Variants in GALNT18 observed in about 807,000 individuals in gnomAD.
GALNT18 encodes polypeptide N-acetylgalactosaminyltransferase 18, also known as GalNAc-transferase 18.
A neutral mutation model predicts 69.5 loss-of-function variants in GALNT18; 44 were observed. That is an observed-to-expected ratio of 0.63 (90% confidence interval 0.50 to 0.81). GALNT18 has a LOEUF of 0.81. GALNT18 is among the 40% of genes least tolerant of loss of function. GALNT18 has a pLI of 0.00. For missense variants in GALNT18, 715 were observed against 810.0 expected (o/e 0.88, Z 1.42); for synonymous variants, 364 against 318.2 (o/e 1.14, Z -1.53).
intron 9 of GALNT18, among the ~76,000 whole-genome samples, chr11:11,303,586 C>T (rs1285893063): frequency 2.0e-5 from 3 of 151,998 alleles, no homozygotes; most frequent in Non-Finnish European, 4.4e-5. Flanking sequence ...TGTCACTGTA[C>T]TTGGGCCCTA....
In GALNT18 at chr11:11,523,543, C is replaced by G. The variant is rs1182716782; in HGVS notation, c.236-74607G>C. Among the ~76,000 whole-genome samples the G allele has an allele frequency of 6.6e-6, 1 of 151,934 alleles. No individual in the cohort carries two copies. Among genetic ancestry groups the G allele is most frequent in the Non-Finnish European group, 1.5e-5 (1 of 67,982 alleles). ...GACCATCTTGGCTAACACAGTGAAACCCCGTCTCTACTAAAAATACAAAAA... is the reference window on the plus strand; with the variant it reads ...GACCATCTTGGCTAACACAGTGAAAGCCCGTCTCTACTAAAAATACAAAAA... On this transcript the variant is annotated intron_variant, in intron 1 of 10. Transcript: ENST00000227756. This position sits in a 1 kb window ranked among gnomAD's most constrained non-coding sequence, Gnocchi z 4.3.
At chr11:11,535,234 C>A (rs1857749352) in intron 1 of GALNT18, among the ~76,000 whole-genome samples, 2 of 152,176 alleles carry the variant, frequency 1.3e-5, no homozygotes, top group African/African-American at 2.4e-5. Flanking sequence ...GAGACCAGGG[C>A]ACTCTGGTAC....
chr11:11,353,201 G>C (rs1850455867), intron 6 of GALNT18: 3 of 1,567,264 alleles, frequency 1.9e-6, no homozygotes, highest in African/African-American at 2.7e-5. Flanking sequence ...TTGGGGGTAA[G>C]ACCTTGTTTC....
chr11:11,486,759 T>C (rs1462426762), intron 1 of GALNT18, among the ~76,000 whole-genome samples: 2 of 152,144 alleles, frequency 1.3e-5, no homozygotes, highest in African/African-American at 4.8e-5. Context: ...CCAAGGTAAA[T>C]CTTAGTGAAA....
In GALNT18 at chr11:11,598,537, G is replaced by C. The variant is rs1455043407; in HGVS notation, c.235+22822C>G. Among the ~76,000 whole-genome samples, 3 of 152,080 alleles carry C rather than the reference G, an allele frequency of 2.0e-5. No homozygotes were observed. The highest frequency in any genetic ancestry group is 4.4e-5 in the Non-Finnish European group (3 of 68,006). ...GAGGTTACTGATTATCAAATTTAGG[G>C]CTCATCTGAATAATCCAGGATAAAC... On this transcript the variant is annotated intron_variant, in intron 1 of 10. Transcript: ENST00000227756. This position sits in a 1 kb window ranked among gnomAD's most constrained non-coding sequence, Gnocchi z 4.8.
intron 1 of GALNT18, among the ~76,000 whole-genome samples, chr11:11,514,762 C>T (rs1201525679): frequency 6.6e-6 from 1 of 152,144 alleles, no homozygotes; most frequent in Non-Finnish European, 1.5e-5. Context: ...AAGACAGACT[C>T]AACTGAGTGG....
At chr11:11,491,205 A>T (rs139479775) in intron 1 of GALNT18, among the ~76,000 whole-genome samples, 1 of 152,192 alleles carries the variant, frequency 6.6e-6, no homozygotes, top group Non-Finnish European at 1.5e-5. Flanking sequence ...GGGCACCTCA[A>T]CTCTCTGCCA....
rs1232449525 is a variant in GALNT18 at position 11,315,136 on chromosome 11, A to G, written c.1512+11950T>C. ...TATAAATATTATATATTAAGACATAAAAACAATATAACCCACAGTTAAATG... is the reference window on the plus strand; with the variant it reads ...TATAAATATTATATATTAAGACATAGAAACAATATAACCCACAGTTAAATG... On this transcript the variant is annotated intron_variant, in intron 9 of 10. Transcript: ENST00000227756. The surrounding 1 kb of genome is among the most constrained non-coding windows in gnomAD (Gnocchi z 5.6). Among the ~76,000 whole-genome samples, 2 of 152,178 alleles carry G rather than the reference A, an allele frequency of 1.3e-5. No homozygotes were observed. Among genetic ancestry groups the G allele is most frequent in the Admixed American group, 1.3e-4 (2 of 15,276 alleles).
chr11:11,409,986 G>A (rs61870275), intron 3 of GALNT18, among the ~76,000 whole-genome samples: 16,870 of 152,214 alleles, frequency 0.11, 1,091 homozygotes, highest in African/African-American at 0.18. Context: ...CCAGGGTTAC[G>A]CCCTGCAGCA....
intron 10 of GALNT18, among the ~76,000 whole-genome samples, chr11:11,284,820 C>T (rs185100946): frequency 1.3e-5 from 1 of 79,596 alleles, no homozygotes; most frequent in African/African-American, 4.4e-5. Context: ...TTAAAGAAAC[C>T]CTGAGATTAA....
intron 1 of GALNT18, among the ~76,000 whole-genome samples, chr11:11,599,873 A>C (rs1225241790): frequency 5.3e-5 from 8 of 152,014 alleles, no homozygotes; most frequent in Admixed American, 5.2e-4. Flanking sequence ...TAACATACTC[A>C]TCACCTCACA....
chr11:11,450,298 G>T (rs1189223376), intron 1 of GALNT18, among the ~76,000 whole-genome samples: 1 of 152,170 alleles, frequency 6.6e-6, no homozygotes, highest in Non-Finnish European at 1.5e-5. Flanking sequence ...TGAGTAAGGA[G>T]CTAGGGTTCT....
At chr11:11,560,165 G>GAATA (rs1858467121) in intron 1 of GALNT18, among the ~76,000 whole-genome samples, 2 of 149,014 alleles carry the variant, frequency 1.3e-5, no homozygotes, top group African/African-American at 2.5e-5. Flanking sequence ...GGGATGTATG[G>GAATA]GATGGGATAG....
chr11:11,489,352 TAGGAG>T (rs1856712806), intron 1 of GALNT18, among the ~76,000 whole-genome samples: 2 of 152,200 alleles, frequency 1.3e-5, no homozygotes, highest in Non-Finnish European at 2.9e-5. Context: ...GATACGGTGC[TAGGAG>T]AGGACTAGTA....
chr11:11,383,119 C>T lies in GALNT18; in HGVS notation c.596-3855G>A, dbSNP rs963075471. ...AGAAGCAGTGATGAAACACCACTCACTCCTGGGAGGTCACAGGCCACTCTC... is the reference window on the plus strand; with the variant it reads ...AGAAGCAGTGATGAAACACCACTCATTCCTGGGAGGTCACAGGCCACTCTC... On this transcript the variant is annotated intron_variant, in intron 3 of 10. Coordinates refer to ENST00000227756, the MANE Select transcript of GALNT18 (RefSeq NM_198516.3). The surrounding 1 kb of genome is among the most constrained non-coding windows in gnomAD (Gnocchi z 5.2). Among the ~76,000 whole-genome samples, 4 of 152,218 alleles carry T rather than the reference C, an allele frequency of 2.6e-5. No homozygotes were observed. Among genetic ancestry groups the T allele is most frequent in the Non-Finnish European group, 5.9e-5 (4 of 68,032 alleles).
At chr11:11,556,974 C>T (rs2133976839) in intron 1 of GALNT18, among the ~76,000 whole-genome samples, 1 of 152,206 alleles carries the variant, frequency 6.6e-6, no homozygotes, top group South Asian at 2.1e-4. Flanking sequence ...GAAGAGGTGC[C>T]ATAACATTAG....
intron 2 of GALNT18, among the ~76,000 whole-genome samples, chr11:11,441,731 C>T (rs1590004830): frequency 6.6e-6 from 1 of 152,204 alleles, no homozygotes. Flanking sequence ...TGGTTAGCAA[C>T]TCTGGGATGG....
chr11:11,608,322 C>T (rs1404300913), intron 1 of GALNT18, among the ~76,000 whole-genome samples: 1 of 152,074 alleles, frequency 6.6e-6, no homozygotes, highest in African/African-American at 2.4e-5. Context: ...GTAGCTCCTA[C>T]CTGATACACA....
chr11:11,367,260 A>G (rs1030289385), intron 6 of GALNT18, among the ~76,000 whole-genome samples: 13 of 152,192 alleles, frequency 8.5e-5, no homozygotes, highest in Non-Finnish European at 1.6e-4. Context: ...AGGAGCAGAT[A>G]GTAAAAGGTC....
Sources: allele counts gnomAD v4.1 joint callset (sites outside exome capture counted in the v4.1 genomes callset), GRCh38; gene constraint gnomAD v4.1.1; non-coding constraint Gnocchi (gnomAD v3.1); transcripts MANE v1.5; gene names NCBI Gene and HGNC (gene_info 2026-07-23, HGNC 2026-07-21).